KIAA0825: variants seen among roughly 807,000 people sequenced by gnomAD.
KIAA0825 encodes KIAA0825.
Under a neutral mutation model 147.6 loss-of-function variants are expected in KIAA0825, and 119 were observed. The ratio of observed to expected loss-of-function variants is 0.81; its 90% confidence interval spans 0.69 to 0.94. The LOEUF (loss-of-function observed/expected upper bound fraction) is 0.94. Among genes scored for constraint, KIAA0825 ranks in the 40% least tolerant of loss-of-function variants. The pLI is 0.00. For missense variants in KIAA0825, 1,381 were observed against 1,472.7 expected (o/e 0.94, Z 1.02); for synonymous variants, 470 against 518.1 (o/e 0.91, Z 1.26).
chr5:94,555,135 C>T (rs1239178681), intron 2 of KIAA0825, among the ~76,000 whole-genome samples: 2 of 151,752 alleles, frequency 1.3e-5, no homozygotes, highest in Non-Finnish European at 2.9e-5. Flanking sequence ...TTTTAAAGGC[C>T]AGAGCTTACT....
At chr5:94,318,971 G>C (rs574739661) in intron 20 of KIAA0825, among the ~76,000 whole-genome samples, 3 of 151,856 alleles carry the variant, frequency 2.0e-5, no homozygotes, top group Admixed American at 6.6e-5. Context: ...AGGGCAAAGT[G>C]AGAAGCACCA....
chr5:94,589,190 G>T (rs1783887818), intron 1 of KIAA0825, among the ~76,000 whole-genome samples: 1 of 152,072 alleles, frequency 6.6e-6, no homozygotes, highest in South Asian at 2.1e-4. Context: ...AAAAAAAACA[G>T]ATTCCTGGGA....
At chr5:94,282,559 A>G (rs1777512493) in intron 20 of KIAA0825, among the ~76,000 whole-genome samples, 1 of 152,146 alleles carries the variant, frequency 6.6e-6, no homozygotes, top group South Asian at 2.1e-4. Flanking sequence ...TCAGAAGAAA[A>G]AGAATGATGA....
intron 13 of KIAA0825, among the ~76,000 whole-genome samples, chr5:94,443,688 A>G (rs745357437): frequency 7.2e-5 from 11 of 152,200 alleles, no homozygotes; most frequent in Admixed American, 3.3e-4. Context: ...AAATTCATCA[A>G]TTAGCTCACA....
chr5:94,607,794 C>T (rs1233778140), intron 1 of KIAA0825, among the ~76,000 whole-genome samples: 1 of 152,120 alleles, frequency 6.6e-6, no homozygotes, highest in African/African-American at 2.4e-5. Flanking sequence ...GAGCTTCATT[C>T]CTTTTTGGAG....
chr5:94,349,185 TAAA>T (rs1229901390), intron 20 of KIAA0825, among the ~76,000 whole-genome samples: 5 of 152,118 alleles, frequency 3.3e-5, no homozygotes, highest in African/African-American at 4.8e-5. Flanking sequence ...CAGCAGCAGT[TAAA>T]AGAGACAAAA....
intron 20 of KIAA0825, among the ~76,000 whole-genome samples, chr5:94,181,543 A>G (rs796525654): frequency 1.3e-5 from 2 of 152,344 alleles, no homozygotes; most frequent in African/African-American, 4.8e-5. Context: ...ACAAATGTAA[A>G]CAGTGATTGA....
rs909983346 is a variant in KIAA0825, at chr5:94,396,449, A to G, written c.2948T>C (p.Ile983Thr). ...TTTAACTGGGGGAGGCAAACATGCA[A>G]TCACCGTAGGTAACTTGCTGATTAC... The part of the protein sequence containing the change: ...SIVISKLPTV[I>T]ACLPPPVKYF... Residue 983 changes from isoleucine (I) to threonine (T), a missense_variant, in exon 17 of 21, where the codon ATT (isoleucine) becomes ACT (threonine). Ile to Thr is a moderately conservative substitution (Grantham distance 89). Coordinates refer to ENST00000682413, the MANE Select transcript of KIAA0825 (RefSeq NM_001145678.3). The G allele has an allele frequency of 5.8e-6, 9 of 1,541,900 alleles. No individual in the cohort carries two copies. The African/African-American group carries it at 9.6e-5, about 16-fold the overall frequency.
At chr5:94,545,037 G>A (rs1482113987) in intron 2 of KIAA0825, among the ~76,000 whole-genome samples, 2 of 152,036 alleles carry the variant, frequency 1.3e-5, no homozygotes, top group African/African-American at 4.8e-5. Context: ...GCACTTAGAA[G>A]AGGGAGAGCA....
intron 20 of KIAA0825, among the ~76,000 whole-genome samples, chr5:94,246,983 C>T (rs1436617423): frequency 6.6e-6 from 1 of 152,166 alleles, no homozygotes; most frequent in Non-Finnish European, 1.5e-5. Flanking sequence ...TCTCTCCTCT[C>T]TTTATTGTCC....
chr5:94,551,852 TAGAG>T (rs1228738802), intron 2 of KIAA0825, among the ~76,000 whole-genome samples: 2 of 150,724 alleles, frequency 1.3e-5, no homozygotes, highest in East Asian at 1.9e-4. Context: ...CAAAAATAAA[TAGAG>T]AGAAATTAAG....
At chr5:94,306,021 C>CA (rs1188024210) in intron 20 of KIAA0825, among the ~76,000 whole-genome samples, 1 of 151,830 alleles carries the variant, frequency 6.6e-6, no homozygotes, top group African/African-American at 2.4e-5. Flanking sequence ...AACCATCCCC[C>CA]ACCTCTCCAA....
intron 5 of KIAA0825, among the ~76,000 whole-genome samples, chr5:94,495,627 G>A (rs561903834): frequency 2.7e-4 from 41 of 152,288 alleles, no homozygotes; most frequent in East Asian, 7.7e-4. Flanking sequence ...GTGGCCATCC[G>A]AGGCTCATGA....
intron 2 of KIAA0825, among the ~76,000 whole-genome samples, chr5:94,574,584 A>G (rs995723746): frequency 6.6e-6 from 1 of 151,428 alleles, no homozygotes; most frequent in African/African-American, 2.4e-5. Context: ...AAGAAAGGAC[A>G]TAAGAAGTCC....
chr5:94,183,046 TTG>T (rs907007349), intron 20 of KIAA0825, among the ~76,000 whole-genome samples: 1 of 152,190 alleles, frequency 6.6e-6, no homozygotes, highest in Admixed American at 6.5e-5. Context: ...GGTTTTGTTT[TTG>T]TTTCTTTCTG....
intron 20 of KIAA0825, among the ~76,000 whole-genome samples, chr5:94,158,433 A>G (rs1337683598): frequency 6.6e-6 from 1 of 152,130 alleles, no homozygotes; most frequent in Non-Finnish European, 1.5e-5. Flanking sequence ...GGCTGACACT[A>G]CACTATGTCT....
intron 20 of KIAA0825, among the ~76,000 whole-genome samples, chr5:94,261,117 C>T (rs1776471547): frequency 6.6e-6 from 1 of 151,340 alleles, no homozygotes; most frequent in South Asian, 2.1e-4. Flanking sequence ...GACTGGGTAA[C>T]ATAGTGAGAC....
At chr5:94,200,946 CATATAT>C (rs34842887) in intron 20 of KIAA0825, among the ~76,000 whole-genome samples, 19,628 of 103,806 alleles carry the variant, frequency 0.19, 1,471 homozygotes, top group African/African-American at 0.22. Context: ...AGAATTTAAA[CATATAT>C]ATATATATAT....
chr5:94,205,972 T>C (rs1400368169), intron 20 of KIAA0825, among the ~76,000 whole-genome samples: 1 of 152,218 alleles, frequency 6.6e-6, no homozygotes, highest in Admixed American at 6.5e-5. Flanking sequence ...GAAAGTTTTC[T>C]TATGTGTTAG....
Sources: allele counts gnomAD v4.1 joint callset (sites outside exome capture counted in the v4.1 genomes callset), GRCh38; gene constraint gnomAD v4.1.1; transcripts MANE v1.5; gene names NCBI Gene and HGNC (gene_info 2026-07-23, HGNC 2026-07-21).